The following FAM227B variants were observed in gnomAD, a reference collection of about 807,000 sequenced individuals.
The protein encoded by FAM227B is protein FAM227B.
Under a neutral mutation model 73.8 loss-of-function variants are expected in FAM227B, and 88 were observed. The ratio of observed to expected loss-of-function variants is 1.19; its 90% CI spans 1.00 to 1.42. FAM227B has a LOEUF of 1.42. FAM227B is among the 40% of genes most tolerant of loss of function. FAM227B has a pLI of 0.00. For missense variants in FAM227B, 632 were observed against 590.9 expected, an observed-to-expected ratio of 1.07 and a Z score of -0.72; for synonymous variants, 210 against 190.5, an observed-to-expected ratio of 1.10 and a Z score of -0.84.
rs549225518 is a variant in FAM227B at position 49,382,176 on chromosome 15, A to C, written c.1013-10777T>G. Among the ~76,000 whole-genome samples, 9 of 152,232 alleles carry C rather than the reference A, an allele frequency of 5.9e-5. No homozygotes were observed. In the South Asian group the frequency reaches 1.5e-3, roughly 25 times the overall value. The stretch of plus-strand genomic sequence containing the variant: ...AAATTAAAAATTTTAGTATAGGTAC[A>C]ATATGCAGGAAGTAGTGAAAAAAGT... On this transcript the variant is annotated intron_variant, in intron 11 of 15. Coordinates refer to ENST00000299338, the MANE Select transcript of FAM227B (RefSeq NM_152647.3).
intron 11 of FAM227B, among the ~76,000 whole-genome samples, chr15:49,466,077 T>A (rs919275976): frequency 1.5e-4 from 23 of 152,298 alleles, no homozygotes; most frequent in African/African-American, 5.1e-4. Flanking sequence ...AGCAGTATGT[T>A]CTTAAAGTAA....
In FAM227B at chr15:49,353,323, TC is replaced by T. The variant is rs539678028; in HGVS notation, c.1271+14124del. 1.0e-3 allele frequency among the ~76,000 whole-genome samples: 159 copies of T among 152,280 alleles called. 1 individual carries two copies. The highest frequency in any genetic ancestry group is 3.8e-3 in the African/African-American group (158 of 41,556). ...CAAGGGTTTTATGTTTCCTCTCTGA[TC>T]CTCATCTTCCTCTTCCCTTCGCCTG... On this transcript the variant is annotated intron_variant, in intron 13 of 15. Coordinates refer to ENST00000299338, the MANE Select transcript of FAM227B (RefSeq NM_152647.3).
At chr15:49,357,469 A>T (rs2151369367) in intron 13 of FAM227B, among the ~76,000 whole-genome samples, 1 of 152,256 alleles carries the variant, frequency 6.6e-6, no homozygotes, top group Middle Eastern at 3.4e-3. Flanking sequence ...CTATGCAAAT[A>T]AACTAGAAAA....
intron 13 of FAM227B, among the ~76,000 whole-genome samples, chr15:49,350,451 T>C (rs894356498): frequency 2.0e-5 from 3 of 152,160 alleles, no homozygotes; most frequent in African/African-American, 4.8e-5. Context: ...AAAAGTATCA[T>C]TGACTGGATC....
At chr15:49,478,694 T>A (rs896117659) in intron 11 of FAM227B, among the ~76,000 whole-genome samples, 14 of 152,178 alleles carry the variant, frequency 9.2e-5, no homozygotes, top group African/African-American at 3.4e-4. Context: ...TATTTAGTTA[T>A]CATGCTAGCA....
chr15:49,515,121 T>C (rs541959660), intron 10 of FAM227B, among the ~76,000 whole-genome samples: 11 of 152,150 alleles, frequency 7.2e-5, no homozygotes, highest in Non-Finnish European at 1.5e-4. Context: ...GCCTGACAGT[T>C]TGAGGTTGTC....
At chr15:49,590,922 T>A (rs1014253553) in intron 3 of FAM227B, among the ~76,000 whole-genome samples, 1 of 152,024 alleles carries the variant, frequency 6.6e-6, no homozygotes, top group Non-Finnish European at 1.5e-5. Context: ...CACAGTTGCC[T>A]TTTTGTGCCT....
At chr15:49,419,299 G>T (rs751075917) in intron 11 of FAM227B, among the ~76,000 whole-genome samples, 14 of 152,146 alleles carry the variant, frequency 9.2e-5, no homozygotes, top group Admixed American at 7.2e-4. Flanking sequence ...CCAGGTCCAT[G>T]GGACTCTGTG....
intron 12 of FAM227B, among the ~76,000 whole-genome samples, chr15:49,370,528 A>G (rs1466302437): frequency 6.6e-6 from 1 of 152,230 alleles, no homozygotes; most frequent in Non-Finnish European, 1.5e-5. Context: ...TGTGAAGGTC[A>G]GAATAAAGTA....
intron 11 of FAM227B, chr15:49,422,759 T>A: frequency 7.5e-7 from 1 of 1,337,112 alleles, no homozygotes; most frequent in Non-Finnish European, 1.0e-6. Context: ...TCATATTCAA[T>A]GAATTGTCTC....
chr15:49,510,476 C>G (rs936874807), intron 10 of FAM227B, among the ~76,000 whole-genome samples: 1 of 152,080 alleles, frequency 6.6e-6, no homozygotes, highest in Non-Finnish European at 1.5e-5. Flanking sequence ...CTGCTCCCCC[C>G]ACTATTGTCT....
chr15:49,388,674 A>C (rs1328543860), intron 11 of FAM227B, among the ~76,000 whole-genome samples: 1 of 152,100 alleles, frequency 6.6e-6, no homozygotes, highest in Non-Finnish European at 1.5e-5. Flanking sequence ...ACAACAAAAG[A>C]AATAATTGAC....
intron 11 of FAM227B, among the ~76,000 whole-genome samples, chr15:49,490,745 G>A (rs1338545340): frequency 2.6e-5 from 4 of 151,898 alleles, no homozygotes; most frequent in Admixed American, 6.6e-5. Context: ...TTTAGGGCAT[G>A]TACATATCAC....
chr15:49,349,347 G>A (rs147093560), intron 13 of FAM227B, among the ~76,000 whole-genome samples: 1 of 151,784 alleles, frequency 6.6e-6, no homozygotes, highest in East Asian at 1.9e-4. Context: ...CTCTTAACTG[G>A]CAGAGTTTAT....
At chr15:49,416,863 T>C (rs1377230555) in intron 11 of FAM227B, among the ~76,000 whole-genome samples, 1 of 151,780 alleles carries the variant, frequency 6.6e-6, no homozygotes, top group Non-Finnish European at 1.5e-5. Context: ...ATGAAAATTA[T>C]AAAACATTGC....
chr15:49,618,721 G>A lies in FAM227B; in HGVS notation c.-73+1979C>T, dbSNP rs73406028. On this transcript the variant is annotated intron_variant, in intron 1 of 15. Transcript: ENST00000299338. ...CACTGCCTTCCACAGGAGAAAGTCA[G>A]TGGGTAATGTCTGAAATTGGAAAAT... Among the ~76,000 whole-genome samples, 348 of 152,344 alleles carry A rather than the reference G, an allele frequency of 2.3e-3. 1 individual carries two copies. Among genetic ancestry groups the A allele is most frequent in the African/African-American group, 7.9e-3 (328 of 41,584 alleles).
chr15:49,483,832 T>C (rs141619260), intron 11 of FAM227B, among the ~76,000 whole-genome samples: 3,085 of 152,168 alleles, frequency 0.02, 47 homozygotes, highest in South Asian at 0.075. Context: ...AACAAATGGT[T>C]GCATGGATGA....
chr15:49,389,907 C>T (rs189942382), intron 11 of FAM227B, among the ~76,000 whole-genome samples: 59 of 152,106 alleles, frequency 3.9e-4, no homozygotes, highest in African/African-American at 1.4e-3. Flanking sequence ...TGGTCAACAT[C>T]GTGCAATGTC....
intron 11 of FAM227B, among the ~76,000 whole-genome samples, chr15:49,454,640 C>T (rs1264371051): frequency 6.6e-6 from 1 of 152,112 alleles, no homozygotes; most frequent in Non-Finnish European, 1.5e-5. Flanking sequence ...GACGAAGTCT[C>T]GCTCTGTCAC....
Sources: gnomAD v4.1 joint callset for allele counts (sites outside exome capture counted in the v4.1 genomes callset) on GRCh38, gnomAD v4.1.1 for gene constraint, MANE v1.5 for transcripts, NCBI Gene and HGNC (gene_info 2026-07-23, HGNC 2026-07-21) for gene names.